TPM1: variants seen among roughly 807,000 people sequenced by gnomAD.
TPM1 encodes the protein tropomyosin alpha-1 chain.
TPM1 carries 24 observed loss-of-function variants against 42.9 expected under a neutral mutation model. The ratio of observed to expected loss-of-function variants is 0.56; its 90% CI spans 0.41 to 0.79. The LOEUF (loss-of-function observed/expected upper bound fraction) is 0.79, where lower values mean the gene tolerates loss of function less well. Among genes scored for constraint, TPM1 ranks in the 30% least tolerant of loss-of-function variants. The pLI, the probability that TPM1 is intolerant of heterozygous loss-of-function variation, is 0.00. For synonymous variants in TPM1, 136 were observed against 130.1 expected (o/e 1.05, Z -0.31); for missense variants, 158 against 351.8 (o/e 0.45, Z 4.41).
rs963301598 is a variant in TPM1 at position 63,065,586 on chromosome 15, C to T, written c.852-310C>T. On this transcript the variant is annotated intron_variant, in intron 9 of 9. Coordinates refer to ENST00000403994, the MANE Select transcript of TPM1 (RefSeq NM_001018005.2). ...TTTTCAGTGCTAAAATGTGGTGATT[C>T]TTTGGGAAAAACTTTTTGCATCAAG... 57 of 985,318 alleles carry T rather than the reference C, an allele frequency of 5.8e-5. No homozygotes were observed. In the African/African-American group the frequency reaches 9.6e-4, roughly 17 times the overall value. 61.0% of individuals were successfully genotyped at this position (985,318 alleles called of 1,614,324 possible). A position where few individuals can be genotyped will look rare whatever the true frequency, so the allele number is the denominator to read the frequency against.
intron 1 of TPM1, 58 bp from the exon 2 acceptor site, chr15:63,043,969 G>A (rs1175623653): frequency 6.3e-7 from 1 of 1,586,892 alleles, no homozygotes. Flanking sequence ...CCTCCCCTTC[G>A]GGATCACGCT....
chr15:63,057,389 G>A (rs1213595793), intron 3 of TPM1, among the ~76,000 whole-genome samples: 1 of 152,186 alleles, frequency 6.6e-6, no homozygotes, highest in African/African-American at 2.4e-5. Flanking sequence ...TAATGAGGGA[G>A]ACAGACATGT....
At chr15:63,043,313 G>C (rs2031588317) in intron 1 of TPM1, 2 of 534,056 alleles carry the variant, frequency 3.7e-6, no homozygotes, top group Non-Finnish European at 7.2e-6. Context: ...TCAAGTGTTA[G>C]AAGTTCGTTG....
At chr15:63,048,798 C>T in intron 2 of TPM1, 2 of 1,485,346 alleles carry the variant, frequency 1.3e-6, no homozygotes, top group Non-Finnish European at 1.8e-6. Context: ...CCCCGCAGGC[C>T]CCGGTCCCTC....
At chr15:63,056,402 C>T (rs28645615) in intron 2 of TPM1, 19,874 of 159,734 alleles carry the variant, frequency 0.12, 1,535 homozygotes, top group Admixed American at 0.25. Context: ...CGCAGTGGCT[C>T]ACGCCTGTAA....
At chr15:63,070,205 C>T (rs2036528213), downstream of TPM1, 1 of 1,257,890 alleles carries the variant, frequency 7.9e-7, no homozygotes, top group African/African-American at 1.5e-5. Flanking sequence ...ATAGCAGGTC[C>T]TCTTGTTTGA....
At chr15:63,050,930 A>G (rs912051986) in intron 2 of TPM1, among the ~76,000 whole-genome samples, 1 of 152,224 alleles carries the variant, frequency 6.6e-6, no homozygotes, top group Non-Finnish European at 1.5e-5. Context: ...CCTAAATTCA[A>G]ATACTCAGAC....
intron 2 of TPM1, among the ~76,000 whole-genome samples, chr15:63,049,619 G>A (rs1234773239): frequency 1.3e-5 from 2 of 152,184 alleles, no homozygotes; most frequent in Non-Finnish European, 2.9e-5. Context: ...ATAGTATGAT[G>A]TCCTGCTGTG....
exon 9 of TPM1, chr15:63,071,389 C>T (rs141957458): frequency 5.3e-4 from 272 of 511,288 alleles, no homozygotes; most frequent in African/African-American, 5.0e-3. Context: ...GTTGATGCTG[C>T]CACACTTTGT....
At chr15:63,061,380 C>A in intron 5 of TPM1, 1 of 1,011,000 alleles carries the variant, frequency 9.9e-7, no homozygotes, top group Non-Finnish European at 1.6e-6. Flanking sequence ...TCACTTCACC[C>A]TCTGCTATTT....
At chr15:63,054,187 G>T (rs1027247409) in intron 2 of TPM1, among the ~76,000 whole-genome samples, 1 of 152,044 alleles carries the variant, frequency 6.6e-6, no homozygotes, top group Non-Finnish European at 1.5e-5. Context: ...TCACAAACTG[G>T]CACCTAGAAA....
downstream of TPM1, chr15:63,070,133 C>T (rs1009142028): frequency 3.9e-5 from 56 of 1,448,968 alleles, no homozygotes; most frequent in Non-Finnish European, 4.7e-5. Context: ...ATTACGTTCT[C>T]TTTAATCACA....
chr15:63,070,231 G>T, downstream of TPM1: 1 of 1,188,636 alleles, frequency 8.4e-7, no homozygotes, highest in Non-Finnish European at 1.1e-6. Flanking sequence ...TAAATAATGA[G>T]GAGCCCCCCC....
intron 2 of TPM1, among the ~76,000 whole-genome samples, chr15:63,052,399 T>G (rs1326274434): frequency 6.6e-6 from 1 of 152,166 alleles, no homozygotes; most frequent in East Asian, 1.9e-4. Context: ...GTCACGTGCC[T>G]GTAATCCTAG....
At chr15:63,052,880 G>C (rs183950171) in intron 2 of TPM1, among the ~76,000 whole-genome samples, 1 of 152,104 alleles carries the variant, frequency 6.6e-6, no homozygotes, top group Non-Finnish European at 1.5e-5. Context: ...AGAGAAAAAA[G>C]TGGCCCTGAT....
In TPM1 at chr15:63,059,537, G is replaced by A. The variant is rs182734513; in HGVS notation, c.375-26G>A. ...TGGGAAGTTCAGCTCTAAATCTTGG[G>A]TTTTCTTGCTTGTCTTTCTTTTCAG... On this transcript the variant is annotated intron_variant, in intron 3 of 9. Coordinates refer to ENST00000403994, the MANE Select transcript of TPM1 (RefSeq NM_001018005.2). 4.1e-4 allele frequency: 655 copies of A among 1,589,314 alleles called. 1 individual carries two copies. The highest frequency in any genetic ancestry group is 2.5e-3 in the South Asian group (222 of 90,210).
chr15:63,061,676 G>A (rs750664359), intron 5 of TPM1, 37 bp from the exon 6 acceptor site: 1 of 1,599,282 alleles, frequency 6.3e-7, no homozygotes. Context: ...CCTTTGGCTT[G>A]TCTCCCACCC....
At chr15:63,047,592 G>A (rs1448725691) in intron 2 of TPM1, 1 of 152,298 alleles carries the variant, frequency 6.6e-6, no homozygotes, top group East Asian at 1.9e-4. Flanking sequence ...TGACACCAAA[G>A]AAGGCTGTAA....
chr15:63,049,401 C>T (rs1033099644), intron 2 of TPM1: 3 of 152,480 alleles, frequency 2.0e-5, no homozygotes, highest in Middle Eastern at 3.4e-3. Flanking sequence ...GAAATGTCAA[C>T]AGTTATTGGG....
Sources: allele counts gnomAD v4.1 joint callset (sites outside exome capture counted in the v4.1 genomes callset), GRCh38; gene constraint gnomAD v4.1.1; transcripts MANE v1.5; gene names NCBI Gene and HGNC (gene_info 2026-07-23, HGNC 2026-07-21).